DPH1: variants seen among roughly 807,000 people sequenced by gnomAD.
The protein encoded by DPH1 is 2-(3-amino-3-carboxypropyl)histidine synthase subunit 1.
In DPH1, 59 loss-of-function variants were observed where a neutral mutation model predicts 55.3. That is an observed-to-expected ratio of 1.07 (90% CI 0.87 to 1.33). The LOEUF (loss-of-function observed/expected upper bound fraction) is 1.33, where lower values mean the gene tolerates loss of function less well. DPH1 is among the 40% of genes most tolerant of loss of function. The pLI, the probability that DPH1 is intolerant of heterozygous loss-of-function variation, is 0.00. For synonymous variants in DPH1, 238 were observed against 235.5 expected, an observed-to-expected ratio of 1.01 and a Z score of -0.10; for missense variants, 628 against 584.8, an observed-to-expected ratio of 1.07 and a Z score of -0.76.
chr17:2,031,199 G>A (rs993935722), intron 1 of DPH1, among the ~76,000 whole-genome samples: 8 of 152,128 alleles, frequency 5.3e-5, no homozygotes, highest in African/African-American at 1.7e-4. Context: ...GGAGGATTGT[G>A]TGAGCCCAGG....
Position 2,036,729 on chromosome 17 carries a change from C to T in DPH1, c.558+43C>T, listed in dbSNP as rs551497767. ...CCTCGGCCTCCTGCAGGGTGGACAG[C>T]GGCCACTCTCCAGCTGTTGCGGGAT... On this transcript the variant is annotated intron_variant, in intron 5 of 12. Transcript: ENST00000263083. This position sits in a 1 kb window ranked among gnomAD's most constrained non-coding sequence, Gnocchi z 4.8. 5.0e-6 allele frequency: 8 copies of T among 1,611,208 alleles called. No individual in the cohort carries two copies. The highest frequency in any genetic ancestry group is 4.5e-5 in the East Asian group (2 of 44,804).
Position 2,041,631 on chromosome 17 carries a change from G to T in DPH1, c.1227+10G>T, listed in dbSNP as rs2067526172. The T allele has an allele frequency of 1.2e-6, 2 of 1,601,002 alleles. No homozygotes were observed. Among genetic ancestry groups the T allele is most frequent in the East Asian group, 4.5e-5 (2 of 44,462 alleles). Reference sequence around the variant, plus strand: ...GCCCGCGCGGGGGAAGGTAGGCGGGGGCTTCCAGGAGGGAGGAGAGACCGC... The same window carrying T: ...GCCCGCGCGGGGGAAGGTAGGCGGGTGCTTCCAGGAGGGAGGAGAGACCGC... On this transcript the variant is annotated intron_variant, in intron 11 of 12. Transcript: ENST00000263083.
Position 2,042,589 on chromosome 17 carries a change from C to T in DPH1, c.*19-16C>T. The T allele has an allele frequency of 6.6e-7, 1 of 1,508,008 alleles. No homozygotes were observed. Among genetic ancestry groups the T allele is most frequent in the East Asian group, 2.3e-5 (1 of 43,734 alleles). 93.4% of individuals were successfully genotyped at this position (1,508,008 alleles called of 1,614,324 possible). ...CCCATGCCCTAATCCCATCCTTTTT[C>T]CTCATATCGCTGTAGGGTCCTGCCC... is the stretch of plus-strand genomic sequence containing the variant. On this transcript the variant is annotated splice_polypyrimidine_tract_variant and intron_variant, in intron 12 of 12. Transcript: ENST00000263083.
Position 2,041,835 on chromosome 17 carries a change from A to G in DPH1, c.1295A>G (p.Lys432Arg). The G allele has an allele frequency of 1.2e-6, 2 of 1,603,068 alleles. No homozygotes were observed. Among genetic ancestry groups the G allele is most frequent in the South Asian group, 1.1e-5 (1 of 89,586 alleles). The change falls in exon 12 of 13, where the codon AAG becomes AGG. Residue 432 changes from lysine to arginine, a missense_variant. By Grantham distance (26) the Lys-to-Arg change is conservative. Transcript: ENST00000263083. ...GAGGACTGCAGCTGCAGGGACGAGA[A>G]GGTGGCGCCGCTGGCTCCTTGACGC... The part of the protein sequence containing the change: ...ACEDCSCRDE[K>R]VAPLAP
intron 3 of DPH1, among the ~76,000 whole-genome samples, chr17:2,034,249 G>A (rs954127281): frequency 2.0e-5 from 3 of 152,202 alleles, no homozygotes; most frequent in East Asian, 3.9e-4. Context: ...ATTTGGGGAA[G>A]TAGGGCAAGG....
At position 2,030,199 on chromosome 17, in the gene DPH1, G is replaced by C. The variant is rs766753554; in HGVS notation, c.30G>C (p.Ala10=). The C allele has an allele frequency of 4.4e-6, 7 of 1,600,496 alleles. No homozygotes were observed. The East Asian group carries it at 1.1e-4, about 26-fold the overall frequency. The change falls in exon 1 of 13, where the codon GCG becomes GCC. Residue 10 remains alanine, a synonymous_variant. Transcript: ENST00000263083. The part of the protein sequence containing the change: MAALVVSGA[A]EQGGRDGPGR... ...CGGCGCTGGTCGTATCCGGGGCAGC[G>C]GAGCAGGGCGGCCGAGACGGCCCTG...
Position 2,041,780 on chromosome 17 carries a change from T to G in DPH1, c.1240T>G (p.Ser414Ala), listed in dbSNP as rs751549030. The change falls in exon 12 of 13, where the codon TCC becomes GCC. Residue 414 changes from serine to alanine, a missense_variant. By Grantham distance (99) the Ser-to-Ala change is moderately conservative. Coordinates refer to ENST00000263083, the MANE Select transcript of DPH1 (RefSeq NM_001383.6). ...RPARGKVQEG[S>A]ARPPSAVACE... is the part of the protein sequence containing the mutation. ...TCTGCGACCTCAGGTGCAGGAGGGG[T>G]CCGCGCGTCCCCCTTCGGCCGTGGC... The G allele has an allele frequency of 3.4e-5, 55 of 1,604,704 alleles. 1 individual carries two copies. The Middle Eastern group carries it at 9.9e-4, about 29-fold the overall frequency.
rs1226325250 is a variant in DPH1, at chr17:2,035,950, C to G, written c.279-20C>G. On this transcript the variant is annotated intron_variant, in intron 3 of 12. Transcript: ENST00000263083. The stretch of plus-strand genomic sequence containing the variant: ...GTCCCTGTGTCCCTGTCCCACCGTT[C>G]CCCGCCCCTGTGCCCGCAGGTTCAC... 3.7e-6 allele frequency: 6 copies of G among 1,613,430 alleles called. No homozygotes were observed. The highest frequency in any genetic ancestry group is 4.2e-6 in the Non-Finnish European group (5 of 1,179,780).
Sources: allele counts gnomAD v4.1 joint callset (sites outside exome capture counted in the v4.1 genomes callset), GRCh38; gene constraint gnomAD v4.1.1; non-coding constraint Gnocchi (gnomAD v3.1); transcripts MANE v1.5; gene names NCBI Gene and HGNC (gene_info 2026-07-23, HGNC 2026-07-21).